Variants in ALLC observed in about 807,000 individuals in gnomAD.
ALLC encodes allantoicase, also known as probable inactive allantoicase.
In ALLC, 40 loss-of-function variants were observed where a neutral mutation model predicts 45.0. The observed-to-expected ratio is 0.89, with a 90% confidence interval of 0.69 to 1.16. The LOEUF (loss-of-function observed/expected upper bound fraction) is 1.16, where lower values mean the gene tolerates loss of function less well. ALLC is among the 50% of genes most tolerant of loss of function. The pLI, the probability that ALLC is intolerant of heterozygous loss-of-function variation, is 0.00. For synonymous variants in ALLC, 176 were observed against 178.1 expected, an observed-to-expected ratio of 0.99 and a Z score of 0.09; for missense variants, 488 against 493.1, an observed-to-expected ratio of 0.99 and a Z score of 0.10.
chr2:3,664,492 A>G (rs990784688), intron 1 of ALLC, among the ~76,000 whole-genome samples: 1 of 152,204 alleles, frequency 6.6e-6, no homozygotes, highest in African/African-American at 2.4e-5. Flanking sequence ...GCTTGCAGGC[A>G]TGGGGGTCAG....
the ALLC span, among the ~76,000 whole-genome samples, chr2:3,651,948 G>A: frequency 6.6e-6 from 1 of 152,232 alleles, no homozygotes; most frequent in Non-Finnish European, 1.5e-5. Flanking sequence ...AGGGTCTGTG[G>A]CCGGTGAGGG....
intron 1 of ALLC, among the ~76,000 whole-genome samples, chr2:3,669,935 T>C: frequency 6.6e-6 from 1 of 152,200 alleles, no homozygotes; most frequent in East Asian, 1.9e-4. Context: ...GGGAAGGTGC[T>C]ATGCATTTGG....
rs576674739 is a variant in ALLC at position 3,660,336 on chromosome 2, C to A, written c.-63+2042C>A. The stretch of plus-strand genomic sequence containing the variant: ...TATGCTAGCGCCGTGCTTTCTGTAC[C>A]GCCTGCAGAACCATGAGCCAAGTAA... On this transcript the variant is annotated intron_variant, in intron 1 of 11. Transcript: ENST00000252505. Among the ~76,000 whole-genome samples the A allele has an allele frequency of 2.0e-5, 3 of 152,216 alleles. No homozygotes were observed. The South Asian group carries it at 6.2e-4, about 32-fold the overall frequency.
At chr2:3,646,202 A>AGT in the ALLC span, among the ~76,000 whole-genome samples, 1 of 152,196 alleles carries the variant, frequency 6.6e-6, no homozygotes, top group African/African-American at 2.4e-5. Context: ...CCTAGGCTCA[A>AGT]GGGTCCTCCC....
At chr2:3,696,175 A>G in intron 8 of ALLC, 100 bp from the exon 9 acceptor site, 1 of 926,208 alleles carries the variant, frequency 1.1e-6, no homozygotes, top group Non-Finnish European at 1.7e-6. Context: ...TTATGTAGCA[A>G]TGCTCAGATG....
intron 1 of ALLC, among the ~76,000 whole-genome samples, chr2:3,659,620 C>A (rs977032188): frequency 8.5e-5 from 13 of 152,192 alleles, no homozygotes; most frequent in African/African-American, 2.9e-4. Flanking sequence ...TCGCGTGGCT[C>A]CTTCCTTTCT....
At chr2:3,676,078 G>C (rs1667018493) in intron 3 of ALLC, among the ~76,000 whole-genome samples, 2 of 152,212 alleles carry the variant, frequency 1.3e-5, no homozygotes. Context: ...ACCTCCCAAA[G>C]TCCTCATCTC....
At chr2:3,649,785 A>G in the ALLC span, among the ~76,000 whole-genome samples, 2 of 152,368 alleles carry the variant, frequency 1.3e-5, no homozygotes, top group Non-Finnish European at 2.9e-5. Context: ...ACTCACGTGC[A>G]CACGTGTGGA....
chr2:3,693,392 T>C (rs1040943832), intron 7 of ALLC, among the ~76,000 whole-genome samples: 3 of 152,222 alleles, frequency 2.0e-5, no homozygotes, highest in Non-Finnish European at 4.4e-5. Flanking sequence ...CTCACTGAAA[T>C]AATCTATTCT....
chr2:3,674,477 G>A lies in ALLC; in HGVS notation c.84+352G>A, dbSNP rs932416822. 5.9e-5 allele frequency among the ~76,000 whole-genome samples: 9 copies of A among 152,282 alleles called. No individual in the cohort carries two copies. In the South Asian group the frequency reaches 1.2e-3, roughly 21 times the overall value. ...GTTTTACCTGCCTAATTATAAAAGT[G>A]CAGGACAGCTTATTAAAAAAATAGA... On this transcript the variant is annotated intron_variant, in intron 3 of 11. Coordinates refer to ENST00000252505, the MANE Select transcript of ALLC (RefSeq NM_018436.4).
Position 3,678,516 on chromosome 2 carries a change from TG to T in ALLC, c.135del (p.Trp45Ter). The T allele has an allele frequency of 6.2e-7, 1 of 1,613,886 alleles. No homozygotes were observed. Among genetic ancestry groups the T allele is most frequent in the Non-Finnish European group, 8.5e-7 (1 of 1,179,824 alleles). On this transcript the variant is annotated frameshift_variant, in exon 4 of 12. Transcript: ENST00000252505. LOFTEE classifies it high-confidence loss of function. The part of the protein sequence containing the change: ...KEHEYTEFGK[W>X]MDGWETRRKR... ...GCATGAATATACGGAGTTTGGGAAA[TG>T]GATGGATGGCTGGGAGACCAGGAGG... is the stretch of plus-strand genomic sequence containing the variant.
At chr2:3,678,364 C>T (rs1418191608) in intron 3 of ALLC, 104 bp from the exon 4 acceptor site, 12 of 943,764 alleles carry the variant, frequency 1.3e-5, no homozygotes, top group East Asian at 5.0e-5. Flanking sequence ...CCCTAGACCC[C>T]GGTTTGCACC....
intron 3 of ALLC, among the ~76,000 whole-genome samples, chr2:3,677,915 C>A (rs564218650): frequency 6.6e-6 from 1 of 152,204 alleles, no homozygotes. Flanking sequence ...GACACTCCTG[C>A]GAGGATGCGT....
the ALLC span, among the ~76,000 whole-genome samples, chr2:3,651,312 GTGGGGGGGGT>G: frequency 0.043 from 226 of 5,300 alleles, 1 homozygote; most frequent in Middle Eastern, 0.17. Context: ...GGGTGGGTGG[GTGGGGGGGGT>G]GTGTGTGTGT....
intron 6 of ALLC, among the ~76,000 whole-genome samples, chr2:3,682,630 A>G (rs1667212386): frequency 1.3e-5 from 2 of 152,048 alleles, no homozygotes; most frequent in Admixed American, 1.3e-4. Context: ...GGTTCACGCC[A>G]TTCTCCTGCC....
At chr2:3,700,988 G>GA (rs1231076345) in intron 10 of ALLC, among the ~76,000 whole-genome samples, 1 of 152,132 alleles carries the variant, frequency 6.6e-6, no homozygotes, top group African/African-American at 2.4e-5. Flanking sequence ...AAAGAGAGAA[G>GA]AATCTCAGGA....
At chr2:3,677,099 T>TTTTTTAAGGAACACACA (rs1667044697) in intron 3 of ALLC, among the ~76,000 whole-genome samples, 1 of 152,210 alleles carries the variant, frequency 6.6e-6, no homozygotes, top group Non-Finnish European at 1.5e-5. Context: ...GTTTTTCTCT[T>TTTTTTAAGGAACACACA]TTTTTAAGGA....
At chr2:3,658,814 T>C (rs1213823512) in intron 1 of ALLC, among the ~76,000 whole-genome samples, 1 of 147,654 alleles carries the variant, frequency 6.8e-6, no homozygotes, top group African/African-American at 2.6e-5. Context: ...GGGGTGGAGG[T>C]TGCAATGAGC....
At chr2:3,686,040 C>G (rs1406984958) in intron 7 of ALLC, among the ~76,000 whole-genome samples, 1 of 151,040 alleles carries the variant, frequency 6.6e-6, no homozygotes, top group Non-Finnish European at 1.5e-5. Context: ...AGGTCTTACA[C>G]ACAAATATTT....
Sources: gnomAD v4.1 joint callset for allele counts (sites outside exome capture counted in the v4.1 genomes callset) on GRCh38, gnomAD v4.1.1 for gene constraint, MANE v1.5 for transcripts, NCBI Gene and HGNC (gene_info 2026-07-23, HGNC 2026-07-21) for gene names.